The following TENM3 variants were observed in gnomAD, a reference collection of about 807,000 sequenced individuals.
TENM3 encodes the protein teneurin-3.
Under a neutral mutation model 255.1 loss-of-function variants are expected in TENM3, and 63 were observed. That is an observed-to-expected ratio of 0.25 (90% confidence interval 0.20 to 0.30). The LOEUF is 0.30. Among genes scored for constraint, TENM3 ranks in the 10% least tolerant of loss-of-function variants. The probability of loss-of-function intolerance (pLI) is 1.00; values close to 1 mark genes in which losing one functional copy is unlikely to be tolerated. For synonymous variants in TENM3, 1,306 were observed against 1,322.3 expected, an observed-to-expected ratio of 0.99 and a Z score of 0.27; for missense variants, 2,929 against 3,461.1, an observed-to-expected ratio of 0.85 and a Z score of 3.86.
intron 3 of TENM3, among the ~76,000 whole-genome samples, chr4:182,354,209 T>C (rs1765373570): frequency 6.6e-6 from 1 of 152,326 alleles, no homozygotes; most frequent in African/African-American, 2.4e-5. Context: ...TGTTAAAGTA[T>C]ACAGAATATA....
chr4:182,709,043 T>G (rs1425233679), intron 12 of TENM3, among the ~76,000 whole-genome samples: 2 of 152,104 alleles, frequency 1.3e-5, no homozygotes, highest in Non-Finnish European at 2.9e-5. Flanking sequence ...AGTGCAGTAG[T>G]GCAATCTCAC....
chr4:181,955,155 C>T, the TENM3 span, among the ~76,000 whole-genome samples: 20 of 152,306 alleles, frequency 1.3e-4, no homozygotes, highest in East Asian at 2.5e-3. Context: ...GTTAAACTCA[C>T]GAAGCTGTAG....
At chr4:182,669,222 G>T (rs996547091) in intron 6 of TENM3, among the ~76,000 whole-genome samples, 4 of 152,058 alleles carry the variant, frequency 2.6e-5, no homozygotes, top group African/African-American at 4.8e-5. Context: ...AGGAACTTAT[G>T]AATTATAACA....
chr4:181,451,367 T>G, the TENM3 span, among the ~76,000 whole-genome samples: 1 of 152,170 alleles, frequency 6.6e-6, no homozygotes, highest in East Asian at 1.9e-4. Context: ...CACAGGGCCT[T>G]GCAGACACCA....
chr4:181,750,079 C>T, the TENM3 span, among the ~76,000 whole-genome samples: 167 of 152,192 alleles, frequency 1.1e-3, no homozygotes, highest in Admixed American at 4.3e-3. Flanking sequence ...TTGGTCCATG[C>T]GGAAAGCAGA....
intron 19 of TENM3, among the ~76,000 whole-genome samples, chr4:182,745,476 C>A (rs1398493969): frequency 1.3e-5 from 2 of 152,170 alleles, no homozygotes; most frequent in Non-Finnish European, 2.9e-5. Context: ...AAAAAACTAT[C>A]AAAGCAGCTA....
intron 12 of TENM3, among the ~76,000 whole-genome samples, chr4:182,695,112 A>G (rs756426190): frequency 5.9e-5 from 9 of 152,190 alleles, no homozygotes; most frequent in African/African-American, 1.2e-4. Flanking sequence ...ATAATTTCCA[A>G]TAACAGTGGA....
chr4:181,554,400 T>C, the TENM3 span, among the ~76,000 whole-genome samples: 2 of 152,162 alleles, frequency 1.3e-5, no homozygotes, highest in Admixed American at 6.5e-5. Context: ...GCTTCGTCAA[T>C]CAATTGGTTA....
At chr4:181,556,549 T>C in the TENM3 span, among the ~76,000 whole-genome samples, 1 of 152,196 alleles carries the variant, frequency 6.6e-6, no homozygotes. Flanking sequence ...TAAAAAATTA[T>C]ATACTCTGGA....
chr4:181,814,086 C>T, the TENM3 span, among the ~76,000 whole-genome samples: 5 of 152,018 alleles, frequency 3.3e-5, no homozygotes, highest in Non-Finnish European at 1.5e-5. Context: ...AGAACTCATC[C>T]CATTAAAGGC....
chr4:181,934,282 T>G, the TENM3 span, among the ~76,000 whole-genome samples: 1 of 152,176 alleles, frequency 6.6e-6, no homozygotes, highest in Non-Finnish European at 1.5e-5. Flanking sequence ...ATAAATGATT[T>G]TCCATGGCTT....
In TENM3 at chr4:182,673,026, A is replaced by C; in HGVS notation, c.1133A>C (p.Gln378Pro). ...TCAGGAAAATTAGGTGGATTTACGC[A>C]AGAAAATAACACCATAGATTCCGGA... ...GDNGKLGGFT[Q>P]ENNTIDSGEL... Residue 378 changes from glutamine to proline, a missense_variant, in exon 7 of 28, where the codon CAA becomes CCA. Around this residue, in one of 6 missense-constraint regions of TENM3, gnomAD observed 1,608 missense variants for 1,884.4 expected, o/e 0.85. Transcript: ENST00000511685. 2.5e-6 allele frequency: 4 copies of C among 1,592,648 alleles called. No homozygotes were observed. Among genetic ancestry groups the C allele is most frequent in the Non-Finnish European group, 3.4e-6 (4 of 1,167,166 alleles).
the TENM3 span, among the ~76,000 whole-genome samples, chr4:181,985,829 A>T: frequency 3.3e-5 from 5 of 152,096 alleles, 1 homozygote; most frequent in Admixed American, 2.6e-4. Context: ...TTTTAAAGCA[A>T]GTGTAGCCTA....
In TENM3 at chr4:182,335,274, G is replaced by A. The variant is rs1035906189; in HGVS notation, c.232+11022G>A. Among the ~76,000 whole-genome samples the A allele has an allele frequency of 2.0e-4, 28 of 136,912 alleles. 2 individuals are homozygous for A. The highest frequency in any genetic ancestry group is 3.8e-4 in the Non-Finnish European group (24 of 63,014). 89.8% of individuals were successfully genotyped at this position (136,912 alleles called of 152,430 possible). A position where few individuals can be genotyped will look rare whatever the true frequency, so the allele number is the denominator to read the frequency against. ...AGCACTTTGGGAGGCTGAGGCGGGCGGATCACGAGGTCAGGAGATCGAGAC... is the reference window on the plus strand; with the variant it reads ...AGCACTTTGGGAGGCTGAGGCGGGCAGATCACGAGGTCAGGAGATCGAGAC... On this transcript the variant is annotated intron_variant, in intron 2 of 27. Coordinates refer to ENST00000511685, the MANE Select transcript of TENM3 (RefSeq NM_001080477.4).
chr4:182,268,890 A>C (rs963993566), intron 1 of TENM3, among the ~76,000 whole-genome samples: 1 of 152,210 alleles, frequency 6.6e-6, no homozygotes, highest in African/African-American at 2.4e-5. Flanking sequence ...TCTATGGAGT[A>C]GCCATTCTTT....
At chr4:181,562,677 A>ATTTTT in the TENM3 span, among the ~76,000 whole-genome samples, 1 of 143,480 alleles carries the variant, frequency 7.0e-6, no homozygotes, top group African/African-American at 2.6e-5. Context: ...GATTCTTCTT[A>ATTTTT]ATTTTTTTTT....
the TENM3 span, among the ~76,000 whole-genome samples, chr4:181,761,703 A>G: frequency 6.6e-6 from 1 of 152,270 alleles, no homozygotes; most frequent in Non-Finnish European, 1.5e-5. Flanking sequence ...TGATTTACCA[A>G]ATGTTTTCAA....
At chr4:182,668,726 A>C (rs1343510653) in intron 6 of TENM3, among the ~76,000 whole-genome samples, 3 of 152,214 alleles carry the variant, frequency 2.0e-5, no homozygotes, top group Non-Finnish European at 4.4e-5. Flanking sequence ...ACCCCTCAAA[A>C]TTAATTTGTG....
the TENM3 span, among the ~76,000 whole-genome samples, chr4:181,450,780 CAT>C: frequency 1.3e-5 from 2 of 152,192 alleles, no homozygotes; most frequent in African/African-American, 4.8e-5. Flanking sequence ...GTTTTCATAA[CAT>C]GTGGTGTCAC....
Sources: gnomAD v4.1 joint callset for allele counts (sites outside exome capture counted in the v4.1 genomes callset) on GRCh38, gnomAD v4.1.1 for gene constraint, gnomAD v4.1.1 regional missense constraint, MANE v1.5 for transcripts, NCBI Gene and HGNC (gene_info 2026-07-23, HGNC 2026-07-21) for gene names.